The following PDE1A variants were observed in gnomAD, a reference collection of about 807,000 sequenced individuals.
PDE1A encodes the protein phosphodiesterase 1A.
In PDE1A, 35 loss-of-function variants were observed where a neutral mutation model predicts 61.7. The ratio of observed to expected loss-of-function variants is 0.57; its 90% CI spans 0.43 to 0.75. The LOEUF (loss-of-function observed/expected upper bound fraction) is 0.75, where lower values mean the gene tolerates loss of function less well. PDE1A is among the 30% of genes least tolerant of loss of function. PDE1A has a pLI of 0.00. For synonymous variants in PDE1A, 232 were observed against 213.2 expected, an observed-to-expected ratio of 1.09 and a Z score of -0.77; for missense variants, 597 against 630.6, an observed-to-expected ratio of 0.95 and a Z score of 0.57.
intron 1 of PDE1A, among the ~76,000 whole-genome samples, chr2:182,330,896 GC>G (rs1427086775): frequency 6.6e-6 from 1 of 151,890 alleles, no homozygotes; most frequent in Non-Finnish European, 1.5e-5. Context: ...TCCTTCCCTG[GC>G]CCCATAGGGA....
chr2:182,379,010 T>C lies in PDE1A; in HGVS notation c.53+47568A>G, dbSNP rs1700575850. Among the ~76,000 whole-genome samples the C allele has an allele frequency of 2.0e-5, 3 of 152,234 alleles. No homozygotes were observed. The South Asian group carries it at 6.2e-4, about 31-fold the overall frequency. On this transcript the variant is annotated intron_variant, in intron 1 of 13. Transcript: ENST00000351439. ...GGGCAACATGAAACAAGTTGAATTT[T>C]ATTTTTGACAAAACTTTTAAAGTTA... is the stretch of plus-strand genomic sequence containing the variant.
the PDE1A span, among the ~76,000 whole-genome samples, chr2:182,626,804 TATATATATAC>T: frequency 8.1e-4 from 13 of 15,970 alleles, 1 homozygote; most frequent in Non-Finnish European, 1.6e-3. Context: ...TATATATACA[TATATATATAC>T]ATATATATAT....
chr2:182,321,631 A>T (rs1202745068), intron 1 of PDE1A, among the ~76,000 whole-genome samples: 5 of 152,172 alleles, frequency 3.3e-5, no homozygotes, highest in African/African-American at 1.2e-4. Context: ...TTTTAACTAC[A>T]TTGCTGAACA....
At chr2:182,442,518 T>C (rs1206314227) in intron 2 of PDE1A, among the ~76,000 whole-genome samples, 2 of 152,090 alleles carry the variant, frequency 1.3e-5, no homozygotes, top group African/African-American at 2.4e-5. Context: ...ATTTGTGCTA[T>C]ATATGTGCAA....
At chr2:182,704,234 A>C in the PDE1A span, among the ~76,000 whole-genome samples, 1 of 151,616 alleles carries the variant, frequency 6.6e-6, no homozygotes. Context: ...AACAAAAAAA[A>C]AAAACTCAAG....
At chr2:182,171,568 A>G (rs940859197) in intron 13 of PDE1A, among the ~76,000 whole-genome samples, 3 of 151,850 alleles carry the variant, frequency 2.0e-5, no homozygotes, top group Admixed American at 6.6e-5. Context: ...ATGAGTGGTA[A>G]CAAAAGAAGG....
chr2:182,605,883 T>C, the PDE1A span, among the ~76,000 whole-genome samples: 1 of 152,198 alleles, frequency 6.6e-6, no homozygotes, highest in Admixed American at 6.5e-5. Context: ...AAAATTCCAA[T>C]TAAACACACC....
chr2:182,480,032 T>C (rs969169392), intron 2 of PDE1A, among the ~76,000 whole-genome samples: 2 of 151,898 alleles, frequency 1.3e-5, no homozygotes, highest in African/African-American at 4.8e-5. Flanking sequence ...CTTTTTCTAT[T>C]AAACATTCAG....
chr2:182,483,048 T>C (rs937751926), intron 2 of PDE1A, among the ~76,000 whole-genome samples: 3 of 151,868 alleles, frequency 2.0e-5, no homozygotes, highest in Admixed American at 6.6e-5. Context: ...ATTAATATCA[T>C]ACAAAAATAC....
chr2:182,437,400 C>G (rs576712414), intron 2 of PDE1A, among the ~76,000 whole-genome samples: 31 of 151,994 alleles, frequency 2.0e-4, no homozygotes, highest in African/African-American at 7.2e-4. Flanking sequence ...TTCTCTAAAT[C>G]ACTTCATAAG....
the PDE1A span, among the ~76,000 whole-genome samples, chr2:182,598,780 T>C: frequency 6.6e-6 from 1 of 152,174 alleles, no homozygotes; most frequent in Non-Finnish European, 1.5e-5. Flanking sequence ...CACTTTATAC[T>C]GAGCATGTGT....
intron 1 of PDE1A, among the ~76,000 whole-genome samples, chr2:182,294,466 A>C (rs983162556): frequency 1.3e-5 from 2 of 152,218 alleles, no homozygotes; most frequent in African/African-American, 4.8e-5. Context: ...TTGCTTTCAT[A>C]TACAAGATCT....
chr2:182,499,186 T>TGTTTTC (rs1298552389), intron 2 of PDE1A, among the ~76,000 whole-genome samples: 1 of 135,218 alleles, frequency 7.4e-6, no homozygotes, highest in African/African-American at 2.8e-5. Context: ...TTTTTTTTTT[T>TGTTTTC]TTTTTTTTGA....
chr2:182,517,120 CTG>C (rs1690252156), intron 2 of PDE1A, among the ~76,000 whole-genome samples: 2 of 152,144 alleles, frequency 1.3e-5, no homozygotes, highest in Non-Finnish European at 2.9e-5. Context: ...TCTTCTGAGA[CTG>C]TCATCTTTTC....
chr2:182,214,439 T>C (rs1242618224), intron 7 of PDE1A, among the ~76,000 whole-genome samples: 1 of 151,536 alleles, frequency 6.6e-6, no homozygotes, highest in African/African-American at 2.4e-5. Context: ...GTAAATGGAC[T>C]AAATGCTCCA....
chr2:182,196,181 A>AT (rs1686120668), intron 10 of PDE1A, among the ~76,000 whole-genome samples: 1 of 151,972 alleles, frequency 6.6e-6, no homozygotes, highest in African/African-American at 2.4e-5. Flanking sequence ...TTAGCTCCAC[A>AT]TTTTTCTGTT....
chr2:182,259,198 T>C (rs1430988063), intron 2 of PDE1A, among the ~76,000 whole-genome samples: 1 of 152,102 alleles, frequency 6.6e-6, no homozygotes, highest in Non-Finnish European at 1.5e-5. Flanking sequence ...AAATTAAGGA[T>C]CCCTAGATTT....
intron 1 of PDE1A, among the ~76,000 whole-genome samples, chr2:182,414,570 A>T (rs1702805412): frequency 6.6e-6 from 1 of 152,144 alleles, no homozygotes; most frequent in Admixed American, 6.5e-5. Context: ...GTTCTCACAT[A>T]GAAAATATTA....
At chr2:182,417,123 C>T (rs1702968144) in intron 1 of PDE1A, among the ~76,000 whole-genome samples, 1 of 152,224 alleles carries the variant, frequency 6.6e-6, no homozygotes, top group African/African-American at 2.4e-5. Flanking sequence ...AGATGCTCAG[C>T]ACTTGGCTGG....
Sources: gnomAD v4.1 joint callset for allele counts (sites outside exome capture counted in the v4.1 genomes callset) on GRCh38, gnomAD v4.1.1 for gene constraint, MANE v1.5 for transcripts, NCBI Gene and HGNC (gene_info 2026-07-23, HGNC 2026-07-21) for gene names.